Variants in HECTD4 observed in about 807,000 individuals in gnomAD.
HECTD4 encodes the protein probable E3 ubiquitin-protein ligase HECTD4.
HECTD4 carries 114 observed loss-of-function variants against 471.5 expected under a neutral mutation model. The observed-to-expected ratio is 0.24, with a 90% CI of 0.21 to 0.28. The LOEUF is 0.28. Ranked by LOEUF, HECTD4 falls within the 10% of genes least tolerant of loss-of-function variation. The pLI, the probability that HECTD4 is intolerant of heterozygous loss-of-function variation, is 1.00. For missense variants in HECTD4, 3,866 were observed against 5,651.5 expected, an observed-to-expected ratio of 0.68 and a Z score of 10.13; for synonymous variants, 2,012 against 2,256.0, an observed-to-expected ratio of 0.89 and a Z score of 3.07.
intron 8 of HECTD4, among the ~76,000 whole-genome samples, chr12:112,281,086 T>C (rs990718134): frequency 6.6e-6 from 1 of 152,156 alleles, no homozygotes; most frequent in South Asian, 2.1e-4. Flanking sequence ...CCACTGCCCC[T>C]GGCCAAAACC....
Position 112,179,481 on chromosome 12 carries a change from G to A in HECTD4, c.10988-84C>T, listed in dbSNP as rs1193480738. The A allele has an allele frequency of 2.5e-6, 3 of 1,207,688 alleles. No homozygotes were observed. Among genetic ancestry groups the A allele is most frequent in the Non-Finnish European group, 3.6e-6 (3 of 842,448 alleles). The allele number at this position is 1,207,688 out of a possible 1,614,324, so 74.8% of individuals were successfully genotyped here. The stretch of plus-strand genomic sequence containing the variant: ...TGCGAGCATTCTGTTTCCAAACACT[G>A]TTTGAAAGGGGCAGTGGATGGACAT... On this transcript the variant is annotated intron_variant, in intron 62 of 75. Coordinates refer to ENST00000682272, the MANE Select transcript of HECTD4 (RefSeq NM_001388303.1). The surrounding 1 kb of genome is among the most constrained non-coding windows in gnomAD (Gnocchi z 4.3).
intron 1 of HECTD4, among the ~76,000 whole-genome samples, chr12:112,358,439 A>G (rs1406380176): frequency 6.6e-6 from 1 of 152,132 alleles, no homozygotes; most frequent in Non-Finnish European, 1.5e-5. Flanking sequence ...AACATAGCAA[A>G]ACCTCATTTC....
intron 20 of HECTD4, chr12:112,256,974 A>G (rs1385820589): frequency 1.3e-5 from 2 of 152,354 alleles, no homozygotes; most frequent in African/African-American, 2.4e-5. Context: ...ACAATTGTTG[A>G]AAACTCCAGG....
chr12:112,259,517 C>CTT (rs34854104), intron 18 of HECTD4, among the ~76,000 whole-genome samples: 1,373 of 118,616 alleles, frequency 0.012, 65 homozygotes, highest in African/African-American at 0.038. Context: ...TATAAGCTGC[C>CTT]TTTTTTTTTT....
At position 112,184,447 on chromosome 12, in the gene HECTD4, G is replaced by A; in HGVS notation, c.10519C>T (p.Leu3507Phe). Residue 3507 changes from leucine to phenylalanine, a missense_variant, in exon 61 of 76, where the codon CTC (leucine) becomes TTC (phenylalanine). Transcript: ENST00000682272. This position sits in a 1 kb window ranked among gnomAD's most constrained non-coding sequence, Gnocchi z 9.1. ...SQGISQTVSDLSVDPLPAGLE... is the reference protein window; with the variant it reads ...SQGISQTVSDFSVDPLPAGLE... ...CCGGCAGGCAGCGGATCCACAGAGA[G>A]GTCGCTGACGGTTTGGGAGATGCCC... is the stretch of plus-strand genomic sequence containing the variant. 3 of 1,605,612 alleles carry A rather than the reference G, an allele frequency of 1.9e-6. No individual in the cohort carries two copies. In the South Asian group the frequency reaches 3.3e-5, roughly 18 times the overall value.
intron 28 of HECTD4, 39 bp from the exon 29 acceptor site, chr12:112,247,115 G>C: frequency 6.8e-7 from 1 of 1,475,066 alleles, no homozygotes; most frequent in South Asian, 1.3e-5. Flanking sequence ...TTGTTCTCTA[G>C]CTTATCAAAA....
chr12:112,274,774 C>A (rs1234774078), intron 10 of HECTD4, 73 bp downstream of exon 10: 3 of 887,188 alleles, frequency 3.4e-6, no homozygotes, highest in Non-Finnish European at 5.4e-6. Context: ...CCACAGGGAA[C>A]TGGCAAGACA....
intron 1 of HECTD4, among the ~76,000 whole-genome samples, chr12:112,335,299 T>C (rs746451317): frequency 6.6e-6 from 1 of 152,206 alleles, no homozygotes; most frequent in Non-Finnish European, 1.5e-5. Context: ...AAACATCGTA[T>C]GTTCTCACTT....
chr12:112,163,729 T>C lies in HECTD4; in HGVS notation c.12710A>G (p.Asn4237Ser). The change falls in exon 74 of 76, where the codon AAC becomes AGC. Residue 4237 changes from asparagine (N) to serine (S), a missense_variant. Transcript: ENST00000682272. This position sits in a 1 kb window ranked among gnomAD's most constrained non-coding sequence, Gnocchi z 8.2. Reference sequence around the variant, plus strand: ...GATGGCTGCCGCGTAGATGTCCTTGTTCTCCCACCTGCCCGGGTGAGGAGC... The same window carrying C: ...GATGGCTGCCGCGTAGATGTCCTTGCTCTCCCACCTGCCCGGGTGAGGAGC... The part of the protein sequence containing the change: ...RGRHILVAWE[N>S]KDIYAAAIRS... 6.8e-7 allele frequency: 1 copy of C among 1,472,514 alleles called. No individual in the cohort carries two copies. The highest frequency in any genetic ancestry group is 1.4e-5 in the South Asian group (1 of 72,050). 91.2% of individuals were successfully genotyped at this position (1,472,514 alleles called of 1,614,324 possible). A position where few individuals can be genotyped will look rare whatever the true frequency, so the allele number is the denominator to read the frequency against.
chr12:112,342,106 T>C (rs2036063557), intron 1 of HECTD4, among the ~76,000 whole-genome samples: 1 of 152,212 alleles, frequency 6.6e-6, no homozygotes, highest in Non-Finnish European at 1.5e-5. Flanking sequence ...TTAAGTACAA[T>C]AAAATCTCTC....
intron 1 of HECTD4, among the ~76,000 whole-genome samples, chr12:112,345,112 G>A (rs1438080706): frequency 6.6e-6 from 1 of 152,024 alleles, no homozygotes; most frequent in Admixed American, 6.6e-5. Flanking sequence ...AAATAGTAGG[G>A]TGTGATGGCA....
chr12:112,178,963 G>A lies in HECTD4; in HGVS notation c.11331C>T (p.Pro3777=), dbSNP rs756702996. ...VSTKRPITKP[P]AKDKAVLNSV... is the part of the protein sequence containing the mutation. ...TGTTGAGCACAGCCTTGTCCTTGGC[G>A]GGCGGCTTGGTGATAGGCCGCTTGG... Residue 3777 remains proline, a synonymous_variant, in exon 64 of 76, where the codon CCC becomes CCT. Transcript: ENST00000682272. 1.7e-5 allele frequency: 28 copies of A among 1,612,706 alleles called. No homozygotes were observed. The highest frequency in any genetic ancestry group is 2.2e-5 in the South Asian group (2 of 90,868).
At position 112,226,543 on chromosome 12, in the gene HECTD4, G is replaced by C. The variant is rs930425947; in HGVS notation, c.6970+100C>G. On this transcript the variant is annotated intron_variant, in intron 44 of 75. Coordinates refer to ENST00000682272, the MANE Select transcript of HECTD4 (RefSeq NM_001388303.1). ...GTTGTCCTTACAGCTCGGCTGTTTT[G>C]ATGTGTGTGTATGAAGACACTTAAC... 10 of 653,748 alleles carry C rather than the reference G, an allele frequency of 1.5e-5. 1 individual carries two copies. The African/African-American group carries it at 1.8e-4, about 12-fold the overall frequency. The allele number at this position is 653,748 out of a possible 1,614,324, so 40.5% of individuals were successfully genotyped here. A position where few individuals can be genotyped will look rare whatever the true frequency, so the allele number is the denominator to read the frequency against.
At chr12:112,303,064 C>G (rs1319924412) in intron 7 of HECTD4, among the ~76,000 whole-genome samples, 2 of 148,970 alleles carry the variant, frequency 1.3e-5, no homozygotes, top group Non-Finnish European at 3.0e-5. Flanking sequence ...GAAGACATCA[C>G]TTGTGGGTGA....
At position 112,230,701 on chromosome 12, in the gene HECTD4, T is replaced by A; in HGVS notation, c.6322A>T (p.Thr2108Ser). 1 of 1,610,716 alleles carries A rather than the reference T, an allele frequency of 6.2e-7. No individual in the cohort carries two copies. Among genetic ancestry groups the A allele is most frequent in the Non-Finnish European group, 8.5e-7 (1 of 1,178,376 alleles). Residue 2108 changes from threonine (T) to serine (S), a missense_variant, in exon 40 of 76, where the codon ACA (threonine) becomes TCA (serine). Transcript: ENST00000682272. Reference protein sequence around the residue: ...PESNAAQIWTTTAEKVLSRAL... With the variant: ...PESNAAQIWTSTAEKVLSRAL... Reference sequence around the variant, plus strand: ...ACTGCGCTAACCTTCTCTGCTGTTGTGGTCCATATTTGAGCAGCATTTGAT... The same window carrying A: ...ACTGCGCTAACCTTCTCTGCTGTTGAGGTCCATATTTGAGCAGCATTTGAT...
intron 55 of HECTD4, among the ~76,000 whole-genome samples, chr12:112,195,878 T>C (rs571707954): frequency 6.6e-6 from 1 of 152,350 alleles, no homozygotes; most frequent in East Asian, 1.9e-4. Context: ...GCACGTCTTA[T>C]GGGCCAGGCG....
Position 112,306,092 on chromosome 12 carries a change from G to C in HECTD4, c.1307C>G (p.Ser436Cys). The C allele has an allele frequency of 1.2e-6, 2 of 1,608,550 alleles. No homozygotes were observed. The highest frequency in any genetic ancestry group is 3.3e-4 in the Middle Eastern group (2 of 6,032). Residue 436 changes from serine (S) to cysteine (C), a missense_variant, in exon 7 of 76, where the codon TCT becomes TGT. By Grantham distance (112) the Ser-to-Cys change is moderately radical. Around this residue, in one of 16 missense-constraint regions of HECTD4, gnomAD observed 440 missense variants for 636.0 expected, o/e 0.69. Coordinates refer to ENST00000682272, the MANE Select transcript of HECTD4 (RefSeq NM_001388303.1). ...SLNEKTPKGH[S>C]VFMDIFELVV... ...AAGTTCAAAAATGTCCATGAAGACA[G>C]AATGTCCCTTCGGTGTTTTCTCATT...
intron 38 of HECTD4, among the ~76,000 whole-genome samples, chr12:112,232,375 C>A (rs1266512822): frequency 6.6e-6 from 1 of 152,186 alleles, no homozygotes; most frequent in Non-Finnish European, 1.5e-5. Flanking sequence ...GGTGATCCAC[C>A]TGCCTTGGTG....
intron 1 of HECTD4, among the ~76,000 whole-genome samples, chr12:112,369,340 C>CTTT (rs763174549): frequency 3.9e-5 from 5 of 129,228 alleles, no homozygotes; most frequent in African/African-American, 5.7e-5. Flanking sequence ...CCTAGGATTT[C>CTTT]TTTTTTTTTT....
Sources: allele counts gnomAD v4.1 joint callset (sites outside exome capture counted in the v4.1 genomes callset), GRCh38; gene constraint gnomAD v4.1.1; regional missense constraint gnomAD v4.1.1; non-coding constraint Gnocchi (gnomAD v3.1); transcripts MANE v1.5; gene names NCBI Gene and HGNC (gene_info 2026-07-23, HGNC 2026-07-21).